The following G2E3 variants were observed in gnomAD, a reference collection of about 807,000 sequenced individuals.
G2E3 encodes the protein G2/M phase-specific E3 ubiquitin-protein ligase.
In G2E3, 35 loss-of-function variants were observed where a neutral mutation model predicts 92.8. That is an observed-to-expected ratio of 0.38 (90% CI 0.29 to 0.50). The LOEUF is 0.50. Among genes scored for constraint, G2E3 ranks in the 20% least tolerant of loss-of-function variants. The pLI is 0.94. For missense variants in G2E3, 554 were observed against 823.8 expected (o/e 0.67, Z 4.01); for synonymous variants, 242 against 272.4 (o/e 0.89, Z 1.10).
At chr14:30,581,645 T>C (rs562679732) in intron 2 of G2E3, among the ~76,000 whole-genome samples, 1 of 152,278 alleles carries the variant, frequency 6.6e-6, no homozygotes, top group South Asian at 2.1e-4. Flanking sequence ...GAAGTTGCAG[T>C]GAGCAGAGAT....
intron 1 of G2E3, among the ~76,000 whole-genome samples, chr14:30,572,173 T>C (rs1318724685): frequency 6.6e-6 from 1 of 152,186 alleles, no homozygotes; most frequent in Non-Finnish European, 1.5e-5. Context: ...TTCTTGCTGT[T>C]ATACAGATTT....
intron 1 of G2E3, among the ~76,000 whole-genome samples, chr14:30,575,416 C>G (rs10131312): frequency 0.058 from 8,749 of 152,138 alleles, 325 homozygotes; most frequent in African/African-American, 0.092. Context: ...CCACAGCCAA[C>G]ATTATACTGA....
chr14:30,576,861 C>G (rs1566529928), intron 1 of G2E3, among the ~76,000 whole-genome samples: 1 of 152,140 alleles, frequency 6.6e-6, no homozygotes, highest in Non-Finnish European at 1.5e-5. Flanking sequence ...ATTTCTCTTT[C>G]AAGTGCCTGA....
intron 1 of G2E3, among the ~76,000 whole-genome samples, chr14:30,579,517 T>G (rs1880307188): frequency 6.6e-6 from 1 of 152,040 alleles, no homozygotes. Flanking sequence ...AAGGAAGCAT[T>G]GTATAAGTTT....
chr14:30,590,871 C>A, intron 4 of G2E3: 1 of 326,996 alleles, frequency 3.1e-6, no homozygotes. Flanking sequence ...TTGAATATCC[C>A]TTATCCAAAA....
intron 1 of G2E3, among the ~76,000 whole-genome samples, chr14:30,579,436 A>G (rs999213691): frequency 2.6e-5 from 4 of 152,342 alleles, no homozygotes; most frequent in African/African-American, 9.6e-5. Flanking sequence ...GCACAGAAAT[A>G]TATATGAGCA....
chr14:30,567,248 A>G (rs992055769), intron 1 of G2E3, among the ~76,000 whole-genome samples: 42 of 152,048 alleles, frequency 2.8e-4, no homozygotes, highest in African/African-American at 8.5e-4. Context: ...ATTGGTGCCA[A>G]TTTTTCTTCA....
chr14:30,581,224 A>G (rs1165820590), intron 2 of G2E3, 108 bp downstream of exon 2: 2 of 686,640 alleles, frequency 2.9e-6, no homozygotes, highest in East Asian at 2.7e-5. Flanking sequence ...CTTAGTTTGT[A>G]TGTCCACATA....
At position 30,579,819 on chromosome 14, in the gene G2E3, A is replaced by G. The variant is rs1880326684; in HGVS notation, c.-4-1257A>G. Among the ~76,000 whole-genome samples, 3 of 152,166 alleles carry G rather than the reference A, an allele frequency of 2.0e-5. No homozygotes were observed. In the South Asian group the frequency reaches 6.2e-4, roughly 31 times the overall value. On this transcript the variant is annotated intron_variant, in intron 1 of 14. Transcript: ENST00000206595. ...ACTATAAATGAGATTATATTTACCT[A>G]GTGGCATTATTATGTTTTATTCTTT...
At chr14:30,581,165 A>G (rs775811263) in intron 2 of G2E3, 49 bp downstream of exon 2, 1 of 1,005,756 alleles carries the variant, frequency 9.9e-7, no homozygotes. Flanking sequence ...TGTTTTAAAT[A>G]TGTTACTTAA....
Position 30,608,070 on chromosome 14 carries a change from G to C in G2E3, c.1500+1G>C. 1 of 1,530,044 alleles carries C rather than the reference G, an allele frequency of 6.5e-7. No individual in the cohort carries two copies. Among genetic ancestry groups the C allele is most frequent in the Non-Finnish European group, 8.8e-7 (1 of 1,134,228 alleles). The allele number at this position is 1,530,044 out of a possible 1,614,324, so 94.8% of individuals were successfully genotyped here. ...TGATGTGGCACAGATTATAATCAGG[G>C]TAAGCAATGTATCTGTTTATTAAAA... On this transcript the variant is annotated splice_donor_variant, in intron 12 of 14. Coordinates refer to ENST00000206595, the MANE Select transcript of G2E3 (RefSeq NM_017769.5). LOFTEE classifies it high-confidence loss of function.
At chr14:30,569,650 G>T (rs1879640992) in intron 1 of G2E3, among the ~76,000 whole-genome samples, 1 of 152,128 alleles carries the variant, frequency 6.6e-6, no homozygotes, top group Non-Finnish European at 1.5e-5. Context: ...TTTGGATTGG[G>T]CTGGTTATTT....
intron 1 of G2E3, among the ~76,000 whole-genome samples, chr14:30,573,325 G>A (rs1333132784): frequency 6.6e-6 from 1 of 152,008 alleles, no homozygotes; most frequent in Non-Finnish European, 1.5e-5. Flanking sequence ...ATTTGTAGGA[G>A]CACATAAAGT....
intron 1 of G2E3, among the ~76,000 whole-genome samples, chr14:30,566,204 ACTTTTT>A (rs1343899265): frequency 1.3e-5 from 2 of 152,036 alleles, no homozygotes; most frequent in Non-Finnish European, 2.9e-5. Context: ...GAATCCTCCA[ACTTTTT>A]CTTTTTGGGG....
At chr14:30,593,277 G>A (rs1383810463) in intron 5 of G2E3, among the ~76,000 whole-genome samples, 197 bp from the exon 6 acceptor site, 2 of 152,072 alleles carry the variant, frequency 1.3e-5, no homozygotes, top group Admixed American at 6.5e-5. Context: ...TACCAGAAAA[G>A]TTCAGATTTC....
rs753054358 is a variant in G2E3 at position 30,598,489 on chromosome 14, T to C, written c.642T>C (p.Ala214=). 3 of 1,587,960 alleles carry C rather than the reference T, an allele frequency of 1.9e-6. No individual in the cohort carries two copies. The highest frequency in any genetic ancestry group is 2.6e-6 in the Non-Finnish European group (3 of 1,156,054). Residue 214 remains alanine, a synonymous_variant, in exon 8 of 15, where the codon GCT becomes GCC. Coordinates refer to ENST00000206595, the MANE Select transcript of G2E3 (RefSeq NM_017769.5). ...RMGIHIPEKD[A]SWELEENAYQ... is the part of the protein sequence containing the mutation. Reference sequence around the variant, plus strand: ...TTTATATCTTCTTTTATAGAGATGCTTCCTGGGAATTAGAGGAAAACGCTT... The same window carrying C: ...TTTATATCTTCTTTTATAGAGATGCCTCCTGGGAATTAGAGGAAAACGCTT...
At chr14:30,616,039 T>C (rs1163805130) in intron 14 of G2E3, among the ~76,000 whole-genome samples, 6 of 152,162 alleles carry the variant, frequency 3.9e-5, no homozygotes, top group Admixed American at 2.0e-4. Context: ...TCTGTATTTG[T>C]TATATACAAT....
intron 2 of G2E3, among the ~76,000 whole-genome samples, chr14:30,582,771 AG>A (rs1463471406): frequency 1.3e-5 from 2 of 152,194 alleles, no homozygotes; most frequent in African/African-American, 2.4e-5. Flanking sequence ...AATCTTTTAA[AG>A]GGTTAGGAGA....
At chr14:30,578,505 T>G (rs566823717) in intron 1 of G2E3, among the ~76,000 whole-genome samples, 14 of 152,198 alleles carry the variant, frequency 9.2e-5, no homozygotes, top group Non-Finnish European at 2.1e-4. Context: ...CCACAGGGCT[T>G]CTTACCAAAT....
Sources: allele counts gnomAD v4.1 joint callset (sites outside exome capture counted in the v4.1 genomes callset), GRCh38; gene constraint gnomAD v4.1.1; transcripts MANE v1.5; gene names NCBI Gene and HGNC (gene_info 2026-07-23, HGNC 2026-07-21).